SLX4IP: variants seen among roughly 807,000 people sequenced by gnomAD.
SLX4IP encodes the protein protein SLX4IP.
In SLX4IP, 34 loss-of-function variants were observed where a neutral mutation model predicts 32.9. The ratio of observed to expected loss-of-function variants is 1.03; its 90% CI spans 0.79 to 1.38. The LOEUF is 1.38. Ranked by LOEUF, SLX4IP falls within the 40% of genes most tolerant of loss-of-function variation. The pLI, the probability that SLX4IP is intolerant of heterozygous loss-of-function variation, is 0.00. For synonymous variants in SLX4IP, 172 were observed against 171.7 expected, an observed-to-expected ratio of 1.00 and a Z score of -0.01; for missense variants, 444 against 479.0, an observed-to-expected ratio of 0.93 and a Z score of 0.68.
At chr20:10,621,230 C>A in intron 6 of SLX4IP, 84 bp from the exon 7 acceptor site, 1 of 1,194,772 alleles carries the variant, frequency 8.4e-7, no homozygotes, top group Non-Finnish European at 1.2e-6. Context: ...TAAATGTGTT[C>A]ATTGGGGCAT....
chr20:10,553,989 A>G (rs972282395), intron 2 of SLX4IP, among the ~76,000 whole-genome samples: 1 of 152,220 alleles, frequency 6.6e-6, no homozygotes, highest in Non-Finnish European at 1.5e-5. Context: ...CAGTGTTTAA[A>G]AATTGTTTAT....
chr20:10,584,852 G>C (rs2066627256), intron 4 of SLX4IP, among the ~76,000 whole-genome samples: 1 of 152,170 alleles, frequency 6.6e-6, no homozygotes, highest in African/African-American at 2.4e-5. Flanking sequence ...TCCATGACTT[G>C]AGTGAATGCA....
chr20:10,506,707 A>C (rs947787375), intron 2 of SLX4IP, among the ~76,000 whole-genome samples: 1 of 152,248 alleles, frequency 6.6e-6, no homozygotes, highest in African/African-American at 2.4e-5. Context: ...TACAGGAAAC[A>C]GACCATAAAC....
intron 4 of SLX4IP, among the ~76,000 whole-genome samples, chr20:10,573,983 T>G (rs943401270): frequency 6.6e-6 from 1 of 152,244 alleles, no homozygotes; most frequent in African/African-American, 2.4e-5. Flanking sequence ...ATGGGTAATT[T>G]GTAAAACTTG....
At chr20:10,446,594 A>G (rs1219978617) in intron 1 of SLX4IP, among the ~76,000 whole-genome samples, 1 of 152,110 alleles carries the variant, frequency 6.6e-6, no homozygotes, top group Non-Finnish European at 1.5e-5. Flanking sequence ...CACCAGTGAT[A>G]TATGAGAGAT....
At chr20:10,602,154 G>A (rs947160227) in intron 6 of SLX4IP, among the ~76,000 whole-genome samples, 1 of 152,178 alleles carries the variant, frequency 6.6e-6, no homozygotes, top group African/African-American at 2.4e-5. Flanking sequence ...AAATCCACAT[G>A]TTTCCACTGG....
intron 2 of SLX4IP, among the ~76,000 whole-genome samples, chr20:10,486,047 G>A (rs2122388644): frequency 6.6e-6 from 1 of 152,078 alleles, no homozygotes; most frequent in East Asian, 1.9e-4. Flanking sequence ...GAAAAATCTA[G>A]GTACAAATGG....
At chr20:10,587,777 G>T (rs1387483589) in intron 4 of SLX4IP, among the ~76,000 whole-genome samples, 5 of 152,056 alleles carry the variant, frequency 3.3e-5, no homozygotes, top group African/African-American at 7.2e-5. Flanking sequence ...AAATGGTTCT[G>T]GGTAAACTGG....
intron 2 of SLX4IP, among the ~76,000 whole-genome samples, chr20:10,495,591 G>A (rs994250389): frequency 1.3e-5 from 2 of 152,018 alleles, no homozygotes; most frequent in Admixed American, 1.3e-4. Context: ...TAATAGATTC[G>A]TCACATTTTC....
intron 2 of SLX4IP, among the ~76,000 whole-genome samples, chr20:10,489,040 G>A (rs914949993): frequency 6.6e-6 from 1 of 152,198 alleles, no homozygotes; most frequent in Non-Finnish European, 1.5e-5. Flanking sequence ...TCTTTTAGAC[G>A]TCCACAGGCT....
chr20:10,614,841 G>A (rs974409007), intron 6 of SLX4IP, among the ~76,000 whole-genome samples: 1 of 152,154 alleles, frequency 6.6e-6, no homozygotes, highest in Non-Finnish European at 1.5e-5. Context: ...GTCTAGACCT[G>A]TGCTGGCCAG....
intron 2 of SLX4IP, among the ~76,000 whole-genome samples, chr20:10,540,536 G>A (rs2066095179): frequency 6.6e-6 from 1 of 152,158 alleles, no homozygotes; most frequent in South Asian, 2.1e-4. Context: ...TGTGTAGGTA[G>A]CAGCTGATAC....
rs916322185 is a variant in SLX4IP at position 10,626,064 on chromosome 20, G to A, written c.*2685G>A. ...GAGTCTCGCTCTGTCGCCCAGGCTGGAGTGCAGTGGGGCGATCTTGGCTCA... is the reference window on the plus strand; with the variant it reads ...GAGTCTCGCTCTGTCGCCCAGGCTGAAGTGCAGTGGGGCGATCTTGGCTCA... On this transcript the variant is annotated 3_prime_UTR_variant, in exon 8 of 8. Coordinates refer to ENST00000334534, the MANE Select transcript of SLX4IP (RefSeq NM_001009608.3). 5.5e-5 allele frequency: 8 copies of A among 144,854 alleles called. No homozygotes were observed. The highest frequency in any genetic ancestry group is 2.0e-4 in the African/African-American group (8 of 39,070). The allele number at this position is 144,854 out of a possible 1,614,324, so 9.0% of individuals were successfully genotyped here.
At chr20:10,511,384 T>C (rs1364084500) in intron 2 of SLX4IP, among the ~76,000 whole-genome samples, 8 of 152,192 alleles carry the variant, frequency 5.3e-5, no homozygotes, top group Non-Finnish European at 1.0e-4. Context: ...GCCCTAGGGA[T>C]ACTGTCAGGG....
chr20:10,622,976 G>C lies in SLX4IP; in HGVS notation c.824G>C (p.Ser275Thr). 1 of 1,614,196 alleles carries C rather than the reference G, an allele frequency of 6.2e-7. No individual in the cohort carries two copies. Among genetic ancestry groups the C allele is most frequent in the African/African-American group, 1.3e-5 (1 of 75,052 alleles). ...TGLLSRSPVC[S>T]CESASPCPKQ... ...CTTCTAAGCAGGAGCCCCGTCTGTA[G>C]CTGTGAGTCAGCATCACCATGTCCA... is the stretch of plus-strand genomic sequence containing the variant. Residue 275 changes from serine to threonine, a missense_variant, in exon 8 of 8, where the codon AGC (serine) becomes ACC (threonine). By Grantham distance (58) the Ser-to-Thr change is moderately conservative (BLOSUM62 1). Transcript: ENST00000334534.
intron 2 of SLX4IP, among the ~76,000 whole-genome samples, chr20:10,481,005 A>G (rs995838055): frequency 6.6e-6 from 1 of 152,222 alleles, no homozygotes; most frequent in Middle Eastern, 3.4e-3. Context: ...TGTTTTGGAT[A>G]TCTAGAAGAC....
At chr20:10,614,684 C>T (rs950965387) in intron 6 of SLX4IP, among the ~76,000 whole-genome samples, 1 of 152,150 alleles carries the variant, frequency 6.6e-6, no homozygotes, top group Non-Finnish European at 1.5e-5. Flanking sequence ...TGTTGTGTGT[C>T]CATGTCACAT....
intron 4 of SLX4IP, among the ~76,000 whole-genome samples, chr20:10,590,066 T>G (rs1287535512): frequency 2.0e-5 from 3 of 152,164 alleles, no homozygotes; most frequent in Non-Finnish European, 4.4e-5. Context: ...GATATTTGAC[T>G]GGAATTGTCT....
chr20:10,616,407 T>G (rs1241605090), intron 6 of SLX4IP, among the ~76,000 whole-genome samples: 3 of 148,232 alleles, frequency 2.0e-5, no homozygotes, highest in Non-Finnish European at 4.4e-5. Context: ...AATAAATAAA[T>G]AAATAAATAA....
Sources: allele counts gnomAD v4.1 joint callset (sites outside exome capture counted in the v4.1 genomes callset), GRCh38; gene constraint gnomAD v4.1.1; transcripts MANE v1.5; gene names NCBI Gene and HGNC (gene_info 2026-07-23, HGNC 2026-07-21).